The following CNGB3 variants were observed in gnomAD, a reference collection of about 807,000 sequenced individuals.
CNGB3 encodes cyclic nucleotide-gated channel beta-3.
Under a neutral mutation model 92.8 loss-of-function variants are expected in CNGB3, and 86 were observed. The ratio of observed to expected loss-of-function variants is 0.93; its 90% CI spans 0.78 to 1.11. The LOEUF is 1.11. Among genes scored for constraint, CNGB3 ranks in the 50% least tolerant of loss-of-function variants. The pLI is 0.00. For missense variants in CNGB3, 1,026 were observed against 956.8 expected (o/e 1.07, Z -0.95); for synonymous variants, 333 against 332.7 (o/e 1.00, Z -0.01).
At chr8:86,690,349 A>G (rs1824286989) in intron 3 of CNGB3, among the ~76,000 whole-genome samples, 1 of 152,196 alleles carries the variant, frequency 6.6e-6, no homozygotes. Flanking sequence ...TTTTGGCTGC[A>G]TAAATGTCTT....
intron 3 of CNGB3, among the ~76,000 whole-genome samples, chr8:86,702,658 G>A (rs1235676238): frequency 1.3e-5 from 2 of 151,922 alleles, no homozygotes; most frequent in African/African-American, 2.4e-5. Flanking sequence ...CTGCTATTTT[G>A]GTAGCCAAAA....
At chr8:86,663,853 G>C (rs560549419) in intron 6 of CNGB3, among the ~76,000 whole-genome samples, 3 of 152,284 alleles carry the variant, frequency 2.0e-5, no homozygotes, top group African/African-American at 4.8e-5. Context: ...ATTTTAAATA[G>C]AGCCTGTTGA....
At position 86,578,707 on chromosome 8, in the gene CNGB3, C is replaced by A. The variant is rs1821703774; in HGVS notation, c.2085G>T (p.Lys695Asn). 1.2e-6 allele frequency: 2 copies of A among 1,614,084 alleles called. No homozygotes were observed. The highest frequency in any genetic ancestry group is 2.7e-5 in the African/African-American group (2 of 75,032). ...KASLARLLKL[K>N]REQAAQKKEN... ...TTATTACCTGAGCTGCTTGCTCTCGCTTCAATTTGAGTAGTCTTGCAAGAC... is the reference window on the plus strand; with the variant it reads ...TTATTACCTGAGCTGCTTGCTCTCGATTCAATTTGAGTAGTCTTGCAAGAC... The change falls in exon 17 of 18, where the codon AAG (lysine) becomes AAT (asparagine). Residue 695 changes from lysine (K) to asparagine (N), a missense_variant. Physicochemically the swap from Lys to Asn is moderately conservative, Grantham distance 94. Coordinates refer to ENST00000320005, the MANE Select transcript of CNGB3 (RefSeq NM_019098.5).
intron 3 of CNGB3, among the ~76,000 whole-genome samples, chr8:86,707,121 C>T (rs1411110628): frequency 2.0e-5 from 3 of 152,146 alleles, no homozygotes; most frequent in Admixed American, 6.5e-5. Flanking sequence ...CCTTCCAAAG[C>T]TAAAAGGCTC....
intron 6 of CNGB3, chr8:86,657,511 A>C: frequency 3.9e-6 from 2 of 509,378 alleles, no homozygotes; most frequent in South Asian, 3.0e-5. Context: ...TCTGCTGTGC[A>C]GTGGGATTGT....
At chr8:86,729,645 T>G (rs1331263316) in intron 2 of CNGB3, among the ~76,000 whole-genome samples, 1 of 152,202 alleles carries the variant, frequency 6.6e-6, no homozygotes, top group Non-Finnish European at 1.5e-5. Flanking sequence ...AAAAAACCCA[T>G]GAGGACTCAA....
intron 6 of CNGB3, chr8:86,661,532 T>C: frequency 1.5e-6 from 1 of 682,628 alleles, no homozygotes; most frequent in Non-Finnish European, 2.8e-6. Context: ...TAAATGGCCT[T>C]GACTTTGAGT....
intron 12 of CNGB3, among the ~76,000 whole-genome samples, chr8:86,627,948 AGGAT>A (rs1362715515): frequency 6.6e-6 from 1 of 152,232 alleles, no homozygotes; most frequent in African/African-American, 2.4e-5. Flanking sequence ...GAAGATGAGG[AGGAT>A]GAAGACCTTT....
chr8:86,600,339 G>A (rs1479512420), intron 15 of CNGB3, among the ~76,000 whole-genome samples: 2 of 152,104 alleles, frequency 1.3e-5, no homozygotes, highest in Non-Finnish European at 2.9e-5. Context: ...GTTCTCCTTT[G>A]TACCCTCATG....
At chr8:86,664,543 G>T (rs1028307343) in intron 6 of CNGB3, among the ~76,000 whole-genome samples, 1 of 152,162 alleles carries the variant, frequency 6.6e-6, no homozygotes, top group African/African-American at 2.4e-5. Flanking sequence ...TGGGGTAGTG[G>T]TTATAAGACT....
At chr8:86,601,776 C>T (rs1822308508) in intron 15 of CNGB3, among the ~76,000 whole-genome samples, 2 of 152,116 alleles carry the variant, frequency 1.3e-5, no homozygotes, top group Admixed American at 1.3e-4. Flanking sequence ...TCCCCATAAC[C>T]ACAGCCAAAA....
Position 86,693,737 on chromosome 8 carries a change from T to C in CNGB3, c.339-22639A>G, listed in dbSNP as rs951776672. On this transcript the variant is annotated intron_variant, in intron 3 of 17. Transcript: ENST00000320005. ...TTTAACCCTGAGTGGACACAGCACA[T>C]GTTTCAGAGAGCACAGGGTTGGGGG... Among the ~76,000 whole-genome samples, 1,324 of 151,872 alleles carry C rather than the reference T, an allele frequency of 8.7e-3. 15 individuals carry two copies. The highest frequency in any genetic ancestry group is 0.029 in the African/African-American group (1,218 of 41,388).
intron 15 of CNGB3, among the ~76,000 whole-genome samples, chr8:86,586,209 T>G (rs1038587198): frequency 6.6e-6 from 1 of 152,196 alleles, no homozygotes; most frequent in East Asian, 1.9e-4. Context: ...TAAAGATGAT[T>G]AACACCTGCC....
chr8:86,716,283 A>C (rs1298143718), intron 3 of CNGB3, among the ~76,000 whole-genome samples: 2 of 152,222 alleles, frequency 1.3e-5, no homozygotes, highest in Admixed American at 6.5e-5. Flanking sequence ...GAAATCTAAA[A>C]GTTTGGAGAA....
In CNGB3 at chr8:86,627,069, A is replaced by G. The variant is rs1585978078; in HGVS notation, c.1481-989T>C. On this transcript the variant is annotated intron_variant, in intron 12 of 17. Coordinates refer to ENST00000320005, the MANE Select transcript of CNGB3 (RefSeq NM_019098.5). ...CCCTCCAGAAAATTCCCTATTCTTA[A>G]TGGTTAGAATTCCAAGAGTTTCTGA... 2.0e-5 allele frequency among the ~76,000 whole-genome samples: 3 copies of G among 149,392 alleles called. No homozygotes were observed. The East Asian group carries it at 6.0e-4, about 30-fold the overall frequency.
intron 3 of CNGB3, among the ~76,000 whole-genome samples, chr8:86,707,066 A>C (rs1469050205): frequency 6.6e-5 from 10 of 152,232 alleles, no homozygotes; most frequent in Non-Finnish European, 1.5e-4. Flanking sequence ...TACATTTAAT[A>C]ATTTAAGAAT....
chr8:86,603,669 A>G (rs922664757), intron 15 of CNGB3, among the ~76,000 whole-genome samples: 3 of 152,224 alleles, frequency 2.0e-5, no homozygotes, highest in African/African-American at 7.2e-5. Context: ...AAAAGCCAGT[A>G]GTGGTGAAAC....
intron 3 of CNGB3, among the ~76,000 whole-genome samples, chr8:86,684,095 T>A (rs147849431): frequency 5.3e-4 from 80 of 152,232 alleles, no homozygotes; most frequent in African/African-American, 1.9e-3. Flanking sequence ...ACAGACTACC[T>A]ATCTGACAAA....
intron 3 of CNGB3, among the ~76,000 whole-genome samples, chr8:86,691,107 AGTTTT>A (rs1348326281): frequency 6.6e-6 from 1 of 151,750 alleles, no homozygotes; most frequent in African/African-American, 2.4e-5. Context: ...TATAATTTTA[AGTTTT>A]GTTTTGTTTT....
Sources: allele counts gnomAD v4.1 joint callset (sites outside exome capture counted in the v4.1 genomes callset), GRCh38; gene constraint gnomAD v4.1.1; transcripts MANE v1.5; gene names NCBI Gene and HGNC (gene_info 2026-07-23, HGNC 2026-07-21).